FAT3: variants seen among roughly 807,000 people sequenced by gnomAD.
The protein encoded by FAT3 is protocadherin Fat 3.
A neutral mutation model predicts 310.2 loss-of-function variants in FAT3; 95 were observed. That is an observed-to-expected ratio of 0.31 (90% CI 0.26 to 0.36). FAT3 has a LOEUF of 0.36. Ranked by LOEUF, FAT3 falls within the 10% of genes least tolerant of loss-of-function variation. The pLI, the probability that FAT3 is intolerant of heterozygous loss-of-function variation, is 1.00. For synonymous variants in FAT3, 2,314 were observed against 2,192.9 expected (o/e 1.06, Z -1.54); for missense variants, 5,408 against 5,715.6 (o/e 0.95, Z 1.74).
chr11:92,373,797 CACACACACACACAG>C (rs1218125859), intron 2 of FAT3, among the ~76,000 whole-genome samples: 1 of 116,594 alleles, frequency 8.6e-6, no homozygotes, highest in Non-Finnish European at 1.7e-5. Context: ...CACACACACA[CACACACACACACAG>C]AGACATAGAT....
chr11:92,706,540 A>G (rs903018735), intron 4 of FAT3, among the ~76,000 whole-genome samples: 1 of 152,182 alleles, frequency 6.6e-6, no homozygotes, highest in Non-Finnish European at 1.5e-5. Context: ...TTCCCAAAAA[A>G]AAAATCACAT....
Position 92,867,166 on chromosome 11 carries a change from C to T in FAT3, c.12084C>T (p.Ser4028=), listed in dbSNP as rs751006337. Residue 4028 remains serine (S), a synonymous_variant, in exon 22 of 28, where the codon AGC becomes AGT. Coordinates refer to ENST00000525166, the MANE Select transcript of FAT3 (RefSeq NM_001367949.2). ...CVLYPDACKR[S]PCQHGGSCTG... ...TCTATCCCGACGCCTGCAAGCGCAGCCCGTGCCAGCACGGGGGCAGCTGCA... is the reference window on the plus strand; with the variant it reads ...TCTATCCCGACGCCTGCAAGCGCAGTCCGTGCCAGCACGGGGGCAGCTGCA... 5.6e-6 allele frequency: 9 copies of T among 1,594,336 alleles called. No individual in the cohort carries two copies. The highest frequency in any genetic ancestry group is 7.7e-6 in the Non-Finnish European group (9 of 1,172,810).
intron 4 of FAT3, among the ~76,000 whole-genome samples, chr11:92,705,078 C>T (rs1486116336): frequency 6.6e-6 from 1 of 152,186 alleles, no homozygotes; most frequent in African/African-American, 2.4e-5. Flanking sequence ...TTCCTGAGTG[C>T]CTCCTTCCTC....
At chr11:92,646,674 T>G (rs77391628) in intron 3 of FAT3, among the ~76,000 whole-genome samples, 5,318 of 152,140 alleles carry the variant, frequency 0.035, 323 homozygotes, top group African/African-American at 0.12. Flanking sequence ...GGAGGTCAGG[T>G]TTGAGTTTTG....
At position 92,890,657 on chromosome 11, in the gene FAT3, AC is replaced by A. The variant is rs777926193; in HGVS notation, c.13319del (p.Pro4440LeufsTer7). ...GGYDIDSEYPPPHEEEFLSQD... is the reference protein window; with the variant it reads ...GGYDIDSEYPXPHEEEFLSQD... ...GTTATGACATTGACAGTGAATACCC[AC>A]CCCCTCATGAAGAGGAGTTCTTGAG... On this transcript the variant is annotated frameshift_variant, in exon 28 of 28. Coordinates refer to ENST00000525166, the MANE Select transcript of FAT3 (RefSeq NM_001367949.2). LOFTEE classifies it high-confidence loss of function. The A allele has an allele frequency of 6.2e-7, 1 of 1,613,324 alleles. No individual in the cohort carries two copies. Among genetic ancestry groups the A allele is most frequent in the Non-Finnish European group, 8.5e-7 (1 of 1,179,754 alleles).
At chr11:92,331,130 T>G (rs2134537368) in intron 1 of FAT3, among the ~76,000 whole-genome samples, 2 of 152,214 alleles carry the variant, frequency 1.3e-5, no homozygotes, top group Middle Eastern at 6.8e-3. Flanking sequence ...AAATATATAA[T>G]TAGGAGGGCT....
intron 3 of FAT3, among the ~76,000 whole-genome samples, chr11:92,552,747 A>G (rs1168952498): frequency 6.6e-6 from 1 of 151,466 alleles, no homozygotes; most frequent in African/African-American, 2.4e-5. Context: ...ATGGTCCCTG[A>G]CACTTTCATA....
intron 22 of FAT3, among the ~76,000 whole-genome samples, chr11:92,876,012 A>C (rs1949523019): frequency 6.6e-6 from 1 of 152,166 alleles, no homozygotes; most frequent in South Asian, 2.1e-4. Context: ...TAGTGATTTA[A>C]ATGTCCCTCA....
At chr11:92,546,457 A>G (rs193279484) in intron 3 of FAT3, among the ~76,000 whole-genome samples, 30 of 152,350 alleles carry the variant, frequency 2.0e-4, no homozygotes, top group Admixed American at 1.4e-3. Context: ...CATGTAGAAC[A>G]GTACCCAGAA....
At chr11:92,767,944 G>A (rs1472543371) in intron 6 of FAT3, among the ~76,000 whole-genome samples, 1 of 151,954 alleles carries the variant, frequency 6.6e-6, no homozygotes, top group Non-Finnish European at 1.5e-5. Flanking sequence ...TGTGCTACTG[G>A]CCACGGCAAC....
chr11:92,348,959 C>T (rs1948488119), intron 1 of FAT3, among the ~76,000 whole-genome samples: 1 of 152,136 alleles, frequency 6.6e-6, no homozygotes, highest in African/African-American at 2.4e-5. Flanking sequence ...GGGTGCTGTA[C>T]TGGATGCTGG....
chr11:92,843,487 C>G (rs138963641), intron 18 of FAT3, among the ~76,000 whole-genome samples: 1 of 152,306 alleles, frequency 6.6e-6, no homozygotes, highest in African/African-American at 2.4e-5. Flanking sequence ...CCCACTTAAA[C>G]TATGTCATTT....
chr11:92,882,628 C>A, intron 23 of FAT3, 110 bp from the exon 24 acceptor site: 1 of 792,624 alleles, frequency 1.3e-6, no homozygotes, highest in Admixed American at 3.4e-5. Context: ...CATCTGTACC[C>A]TTTAGGTGCA....
chr11:92,585,281 G>A (rs577970735), intron 3 of FAT3, among the ~76,000 whole-genome samples: 1 of 152,076 alleles, frequency 6.6e-6, no homozygotes, highest in South Asian at 2.1e-4. Flanking sequence ...TACACTTTCT[G>A]TAGTTTGTAT....
intron 19 of FAT3, among the ~76,000 whole-genome samples, chr11:92,845,608 G>A (rs989439457): frequency 3.3e-5 from 5 of 152,188 alleles, no homozygotes; most frequent in Non-Finnish European, 7.3e-5. Context: ...AGTGATCGAT[G>A]AGAAGCATTG....
chr11:92,841,191 C>T (rs1288938113), intron 18 of FAT3, among the ~76,000 whole-genome samples: 1 of 152,052 alleles, frequency 6.6e-6, no homozygotes, highest in Non-Finnish European at 1.5e-5. Flanking sequence ...GGCAGTGGCC[C>T]CCAGCATGTC....
chr11:92,877,925 T>G (rs1290229035), intron 22 of FAT3, among the ~76,000 whole-genome samples: 1 of 152,154 alleles, frequency 6.6e-6, no homozygotes, highest in Non-Finnish European at 1.5e-5. Context: ...CTACCAAACA[T>G]TATAGCTTAG....
chr11:92,354,372 G>A lies in FAT3; in HGVS notation c.2260G>A (p.Asp754Asn), dbSNP rs1408408990. ...TCTGAAGATTAAAGCCTATGATGCC[G>A]ACTCTGGCTTCAATGGAAAAGTGCT... ...NILKIKAYDA[D>N]SGFNGKVLFT... is the part of the protein sequence containing the mutation. The change falls in exon 2 of 28, where the codon GAC (aspartate) becomes AAC (asparagine). Residue 754 changes from aspartate (D) to asparagine (N), a missense_variant. Asp to Asn is a conservative substitution (Grantham distance 23). Coordinates refer to ENST00000525166, the MANE Select transcript of FAT3 (RefSeq NM_001367949.2). 3.1e-6 allele frequency: 5 copies of A among 1,613,722 alleles called. No individual in the cohort carries two copies. The highest frequency in any genetic ancestry group is 1.3e-5 in the African/African-American group (1 of 74,896).
At chr11:92,530,288 A>G (rs990517579) in intron 3 of FAT3, among the ~76,000 whole-genome samples, 2 of 152,092 alleles carry the variant, frequency 1.3e-5, no homozygotes, top group Non-Finnish European at 2.9e-5. Flanking sequence ...ATTTTTAACA[A>G]GTTTCTAGGT....
Sources: gnomAD v4.1 joint callset for allele counts (sites outside exome capture counted in the v4.1 genomes callset) on GRCh38, gnomAD v4.1.1 for gene constraint, MANE v1.5 for transcripts, NCBI Gene and HGNC (gene_info 2026-07-23, HGNC 2026-07-21) for gene names.